The following CSTPP1 variants were observed in gnomAD, a reference collection of about 807,000 sequenced individuals.
CSTPP1 encodes centriolar satellite-associated tubulin polyglutamylase complex regulator 1.
the CSTPP1 span, among the ~76,000 whole-genome samples, chr11:47,013,241 GTTGTT>G: frequency 2.1e-4 from 31 of 147,580 alleles, no homozygotes; most frequent in African/African-American, 6.7e-4. Context: ...ATTTATTGTT[GTTGTT>G]TTGTTTTGTT....
chr11:46,967,050 A>C, the CSTPP1 span, among the ~76,000 whole-genome samples: 1 of 152,074 alleles, frequency 6.6e-6, no homozygotes, highest in Non-Finnish European at 1.5e-5. Context: ...CAAACATTTA[A>C]AATTTTGATA....
the CSTPP1 span, among the ~76,000 whole-genome samples, chr11:46,950,804 G>A: frequency 6.6e-6 from 1 of 151,832 alleles, no homozygotes; most frequent in Non-Finnish European, 1.5e-5. Context: ...TAGAGACAGG[G>A]TTTCACCATA....
chr11:46,937,515 G>A, the CSTPP1 span, among the ~76,000 whole-genome samples: 1 of 152,034 alleles, frequency 6.6e-6, no homozygotes, highest in Non-Finnish European at 1.5e-5. Flanking sequence ...AATGAAAAAA[G>A]GCACACACAC....
the CSTPP1 span, among the ~76,000 whole-genome samples, chr11:47,147,232 C>T: frequency 2.0e-5 from 3 of 152,150 alleles, no homozygotes; most frequent in Non-Finnish European, 1.5e-5. Flanking sequence ...AGGTTCTAAA[C>T]ATTTCCTTTA....
the CSTPP1 span, among the ~76,000 whole-genome samples, chr11:47,135,244 C>G: frequency 2.2e-3 from 334 of 152,276 alleles, 1 homozygote; most frequent in African/African-American, 7.4e-3. Context: ...TTACTAAGTT[C>G]TAGACATTCT....
chr11:47,062,380 A>C, the CSTPP1 span, among the ~76,000 whole-genome samples: 1 of 152,190 alleles, frequency 6.6e-6, no homozygotes. Context: ...ATTATCATTC[A>C]TTTTATCAGA....
At chr11:47,138,979 C>CAAAAA in the CSTPP1 span, among the ~76,000 whole-genome samples, 660 of 40,912 alleles carry the variant, frequency 0.016, 97 homozygotes, top group East Asian at 0.017. Context: ...GACTCCGTCT[C>CAAAAA]AAAAAAAAAA....
At chr11:46,964,287 CTCT>C in the CSTPP1 span, among the ~76,000 whole-genome samples, 4 of 142,582 alleles carry the variant, frequency 2.8e-5, no homozygotes, top group African/African-American at 1.2e-4. Flanking sequence ...CTCTCTCTCT[CTCT>C]TTTTTTTTTT....
At chr11:47,153,059 G>C in the CSTPP1 span, among the ~76,000 whole-genome samples, 105 of 152,204 alleles carry the variant, frequency 6.9e-4, no homozygotes, top group Non-Finnish European at 1.3e-3. Context: ...TTCCTCTGCA[G>C]TTTGGAGGTC....
the CSTPP1 span, among the ~76,000 whole-genome samples, chr11:46,964,338 T>G: frequency 6.6e-6 from 1 of 151,268 alleles, no homozygotes; most frequent in South Asian, 2.1e-4. Flanking sequence ...CAGGCTGGAG[T>G]GCAGTGACGC....
At chr11:47,008,473 G>A in the CSTPP1 span, among the ~76,000 whole-genome samples, 2 of 152,070 alleles carry the variant, frequency 1.3e-5, no homozygotes, top group Admixed American at 1.3e-4. Flanking sequence ...TGACAGTAAT[G>A]TTATATGAAA....
the CSTPP1 span, among the ~76,000 whole-genome samples, chr11:46,953,012 T>C: frequency 6.6e-6 from 1 of 152,052 alleles, no homozygotes; most frequent in Non-Finnish European, 1.5e-5. Context: ...GTAAGAGATT[T>C]AGGAGGAGAG....
chr11:47,141,882 G>A, the CSTPP1 span, among the ~76,000 whole-genome samples: 1 of 129,364 alleles, frequency 7.7e-6, no homozygotes, highest in Non-Finnish European at 1.5e-5. Flanking sequence ...GCAGTGAGCC[G>A]AGATCATGCT....
At chr11:47,112,337 T>G in the CSTPP1 span, among the ~76,000 whole-genome samples, 2 of 136,310 alleles carry the variant, frequency 1.5e-5, no homozygotes, top group African/African-American at 2.6e-5. Context: ...TTGTTTGTTT[T>G]TTGAGACTGA....
the CSTPP1 span, among the ~76,000 whole-genome samples, chr11:47,014,283 G>A: frequency 7.4e-5 from 11 of 149,062 alleles, no homozygotes; most frequent in African/African-American, 2.7e-4. Context: ...GAAAAGAAAG[G>A]AAGGAGGGAG....
the CSTPP1 span, among the ~76,000 whole-genome samples, chr11:47,114,341 G>A: frequency 6.6e-6 from 1 of 152,084 alleles, no homozygotes; most frequent in Non-Finnish European, 1.5e-5. Context: ...GCTCTTTTTT[G>A]GTTCCATATG....
chr11:47,128,774 T>C, the CSTPP1 span, among the ~76,000 whole-genome samples: 1 of 152,176 alleles, frequency 6.6e-6, no homozygotes, highest in Admixed American at 6.5e-5. Flanking sequence ...ATTTTACAGG[T>C]GAGAAAACTG....
chr11:47,048,575 A>G, the CSTPP1 span, among the ~76,000 whole-genome samples: 1 of 152,182 alleles, frequency 6.6e-6, no homozygotes, highest in African/African-American at 2.4e-5. Context: ...GAAATAGGCC[A>G]GAACGACAGA....
At chr11:47,024,775 T>C in the CSTPP1 span, among the ~76,000 whole-genome samples, 1 of 152,174 alleles carries the variant, frequency 6.6e-6, no homozygotes, top group South Asian at 2.1e-4. Flanking sequence ...AATTTTGTGG[T>C]ACCTCTTTCT....
Sources: gnomAD v4.1 joint callset for allele counts (sites outside exome capture counted in the v4.1 genomes callset) on GRCh38, gnomAD v4.1.1 for gene constraint, MANE v1.5 for transcripts, NCBI Gene and HGNC (gene_info 2026-07-23, HGNC 2026-07-21) for gene names.